RASGRP2: variants seen among roughly 807,000 people sequenced by gnomAD.
The protein encoded by RASGRP2 is RAS guanyl-releasing protein 2.
RASGRP2 carries 44 observed loss-of-function variants against 71.0 expected under a neutral mutation model. That is an observed-to-expected ratio of 0.62 (90% CI 0.49 to 0.80). The LOEUF (loss-of-function observed/expected upper bound fraction) is 0.80. Ranked by LOEUF, RASGRP2 falls within the 30% of genes least tolerant of loss-of-function variation. The pLI is 0.00. For synonymous variants in RASGRP2, 350 were observed against 330.7 expected (o/e 1.06, Z -0.63); for missense variants, 663 against 813.4 (o/e 0.82, Z 2.25).
intron 3 of RASGRP2, 70 bp downstream of exon 3, chr11:64,741,940 C>A (rs2058137226): frequency 3.7e-6 from 5 of 1,350,050 alleles, no homozygotes; most frequent in Non-Finnish European, 5.2e-6. Flanking sequence ...TCATTCTGCA[C>A]CTGGGCTGGG....
At position 64,735,081 on chromosome 11, in the gene RASGRP2, C is replaced by G. The variant is rs1313578196; in HGVS notation, c.1412+31G>C. 1 of 1,543,738 alleles carries G rather than the reference C, an allele frequency of 6.5e-7. No homozygotes were observed. The highest frequency in any genetic ancestry group is 1.4e-5 in the African/African-American group (1 of 73,414). Reference sequence around the variant, plus strand: ...AGGCAGAAGTGGGCTGAGTTGCCTTCCCTCTCCCCCAGGTCCCCAGCCCTC... The same window carrying G: ...AGGCAGAAGTGGGCTGAGTTGCCTTGCCTCTCCCCCAGGTCCCCAGCCCTC... On this transcript the variant is annotated intron_variant, in intron 12 of 16. Coordinates refer to ENST00000394432, the MANE Select transcript of RASGRP2 (RefSeq NM_001098671.2). The surrounding 1 kb of genome is among the most constrained non-coding windows in gnomAD (Gnocchi z 4.2).
rs998475248 is a variant in RASGRP2, at chr11:64,739,584, C to T, written c.696+52G>A. The T allele has an allele frequency of 3.7e-6, 6 of 1,612,676 alleles. No individual in the cohort carries two copies. The highest frequency in any genetic ancestry group is 2.2e-5 in the East Asian group (1 of 44,882). ...TGGGTTAGGGGAAGGGAAGGGTTGGCCTGACTGGCATGTGGGGTGGTTGGG... is the reference window on the plus strand; with the variant it reads ...TGGGTTAGGGGAAGGGAAGGGTTGGTCTGACTGGCATGTGGGGTGGTTGGG... On this transcript the variant is annotated intron_variant, in intron 7 of 16. Coordinates refer to ENST00000394432, the MANE Select transcript of RASGRP2 (RefSeq NM_001098671.2). This position sits in a 1 kb window ranked among gnomAD's most constrained non-coding sequence, Gnocchi z 4.2.
rs904622381 is a variant in RASGRP2 at position 64,741,461 on chromosome 11, C to T, written c.217G>A (p.Val73Met). 3 of 1,577,280 alleles carry T rather than the reference C, an allele frequency of 1.9e-6. No homozygotes were observed. The highest frequency in any genetic ancestry group is 2.6e-6 in the Non-Finnish European group (3 of 1,160,004). ...CACCTGACCAGGTGGCACGTTTTCA[C>T]CTGCAGGGAATTGGAGTTGTCCTTC... The part of the protein sequence containing the change: ...SRKDNSNSLQ[V>M]KTCHLVRYWI... The change falls in exon 4 of 17, where the codon GTG becomes ATG. Residue 73 changes from valine to methionine, a missense_variant. Val to Met is a conservative substitution (Grantham distance 21). Transcript: ENST00000394432.
chr11:64,737,636 C>T (rs965474371), intron 8 of RASGRP2, among the ~76,000 whole-genome samples: 3 of 138,378 alleles, frequency 2.2e-5, no homozygotes, highest in Non-Finnish European at 4.5e-5. Flanking sequence ...GCCAAATTAG[C>T]GTCACTGCAC....
In RASGRP2 at chr11:64,743,696, G is replaced by A; in HGVS notation, c.-72+307C>T. The A allele has an allele frequency of 5.3e-6, 2 of 377,558 alleles. No individual in the cohort carries two copies. Among genetic ancestry groups the A allele is most frequent in the Admixed American group, 3.6e-5 (1 of 27,614 alleles). 23.4% of individuals were successfully genotyped at this position (377,558 alleles called of 1,614,324 possible). A position where few individuals can be genotyped will look rare whatever the true frequency, so the allele number is the denominator to read the frequency against. On this transcript the variant is annotated intron_variant, in intron 1 of 16. Coordinates refer to ENST00000394432, the MANE Select transcript of RASGRP2 (RefSeq NM_001098671.2). This position sits in a 1 kb window ranked among gnomAD's most constrained non-coding sequence, Gnocchi z 4.9. ...GGCTCCTGACCCTGGCCCCGGCCCC[G>A]CACAGGCGAACTGTGAGCGCGCACG...
rs973883010 is a variant in RASGRP2, at chr11:64,736,685, G to A, written c.1095+68C>T. 3.3e-6 allele frequency: 5 copies of A among 1,518,112 alleles called. No homozygotes were observed. In the African/African-American group the frequency reaches 6.9e-5, roughly 21 times the overall value. 94.0% of individuals were successfully genotyped at this position (1,518,112 alleles called of 1,614,324 possible). On this transcript the variant is annotated intron_variant, in intron 9 of 16. Coordinates refer to ENST00000394432, the MANE Select transcript of RASGRP2 (RefSeq NM_001098671.2). The stretch of plus-strand genomic sequence containing the variant: ...CCCAGAGCCCCAGGCCACGCCCACA[G>A]CCAGGACCTGGGGAAACTGTCAACC...
At chr11:64,730,227 G>A (rs1321359732) in intron 12 of RASGRP2, 33 bp from the exon 13 acceptor site, 18 of 1,551,206 alleles carry the variant, frequency 1.2e-5, no homozygotes, top group Non-Finnish European at 1.1e-5. Context: ...TTCAGCTCGG[G>A]CCCTCCCCAG....
rs760868395 is a variant in RASGRP2, at chr11:64,735,594, T to G, written c.1244A>C (p.Lys415Thr). ...CACGAGGGCCTGATCCAGCTTGGGT[T>G]TGGCAGCCGAGGTCCACTCCTCCAG... is the stretch of plus-strand genomic sequence containing the variant. ...PVLEEWTSAAKPKLDQALVVE... is the reference protein window; with the variant it reads ...PVLEEWTSAATPKLDQALVVE... The change falls in exon 11 of 17, where the codon AAA becomes ACA. Residue 415 changes from lysine to threonine, a missense_variant. Physicochemically the swap from Lys to Thr is moderately conservative, Grantham distance 78. Transcript: ENST00000394432. This position sits in a 1 kb window ranked among gnomAD's most constrained non-coding sequence, Gnocchi z 4.2. 6 of 1,614,064 alleles carry G rather than the reference T, an allele frequency of 3.7e-6. No individual in the cohort carries two copies. The highest frequency in any genetic ancestry group is 5.1e-6 in the Non-Finnish European group (6 of 1,179,984).
Position 64,742,053 on chromosome 11 carries a change from A to T in RASGRP2, c.133T>A (p.Trp45Arg). The change falls in exon 3 of 17, where the codon TGG becomes AGG. Residue 45 changes from tryptophan to arginine, a missense_variant. Trp to Arg is a moderately radical substitution (Grantham distance 101). Transcript: ENST00000394432. The surrounding 1 kb of genome is among the most constrained non-coding windows in gnomAD (Gnocchi z 4.7). ...GCCAGCTGAGAGGAGGGGATGTACC[A>T]GGGGTGCATCATGAGGAACATGCGC... ...LVRMFLMMHP[W>R]YIPSSQLAAK... 6.2e-7 allele frequency: 1 copy of T among 1,612,052 alleles called. No homozygotes were observed. The highest frequency in any genetic ancestry group is 8.5e-7 in the Non-Finnish European group (1 of 1,179,048).
At chr11:64,730,008 T>A in intron 13 of RASGRP2, 45 bp downstream of exon 13, 2 of 1,540,232 alleles carry the variant, frequency 1.3e-6, no homozygotes, top group Non-Finnish European at 1.8e-6. Context: ...GGGCCGGGGC[T>A]GGAGGGGCGT....
At chr11:64,745,040 G>A (rs1480940169), upstream of RASGRP2, 6 of 151,562 alleles carry the variant, frequency 4.0e-5, no homozygotes, top group Admixed American at 3.9e-4. Flanking sequence ...CCAGGGCCGC[G>A]GGCGGGGGGC....
rs945826232 is a variant in RASGRP2, at chr11:64,743,553, G to C, written c.-72+450C>G. 2.9e-6 allele frequency: 1 copy of C among 342,768 alleles called. No homozygotes were observed. Among genetic ancestry groups the C allele is most frequent in the Non-Finnish European group, 5.7e-6 (1 of 175,950 alleles). 21.2% of individuals were successfully genotyped at this position (342,768 alleles called of 1,614,324 possible). A position where few individuals can be genotyped will look rare whatever the true frequency, so the allele number is the denominator to read the frequency against. ...CCTGGGGCGGGGGGAGCCCGCTGCG[G>C]CCAGGAGGCGTCAGCGGGAAGCCTG... is the stretch of plus-strand genomic sequence containing the variant. On this transcript the variant is annotated intron_variant, in intron 1 of 16. Transcript: ENST00000394432. This position sits in a 1 kb window ranked among gnomAD's most constrained non-coding sequence, Gnocchi z 4.9.
At position 64,742,066 on chromosome 11, in the gene RASGRP2, G is replaced by A. The variant is rs778674902; in HGVS notation, c.120C>T (p.Leu40=). The A allele has an allele frequency of 1.2e-6, 2 of 1,611,118 alleles. No homozygotes were observed. The highest frequency in any genetic ancestry group is 1.7e-6 in the Non-Finnish European group (2 of 1,178,646). The change falls in exon 3 of 17, where the codon CTC becomes CTT. Residue 40 remains leucine, a synonymous_variant. Transcript: ENST00000394432. This position sits in a 1 kb window ranked among gnomAD's most constrained non-coding sequence, Gnocchi z 4.7. ...AGGGGATGTACCAGGGGTGCATCAT[G>A]AGGAACATGCGCACCAGCTGCGGGT... ...VRDPQLVRMF[L]MMHPWYIPSS... is the part of the protein sequence containing the mutation.
chr11:64,735,381 A>AC lies in RASGRP2; in HGVS notation c.1297-155dup. The AC allele has an allele frequency of 7.2e-7, 1 of 1,381,962 alleles. No individual in the cohort carries two copies. Among genetic ancestry groups the AC allele is most frequent in the African/African-American group, 1.4e-5 (1 of 70,018 alleles). The allele number at this position is 1,381,962 out of a possible 1,614,324, so 85.6% of individuals were successfully genotyped here. On this transcript the variant is annotated intron_variant, in intron 11 of 16. Transcript: ENST00000394432. The surrounding 1 kb of genome is among the most constrained non-coding windows in gnomAD (Gnocchi z 4.2). ...CGTTCCATACCTCCACCCCCACCCTACCCAGGGGCACTTCAGCCCCGTGCA... is the reference window on the plus strand; with the variant it reads ...CGTTCCATACCTCCACCCCCACCCTACCCCAGGGGCACTTCAGCCCCGTGCA...
rs2058072772 is a variant in RASGRP2 at position 64,740,090 on chromosome 11, A to G, written c.445T>C (p.Leu149=). 3 of 1,614,132 alleles carry G rather than the reference A, an allele frequency of 1.9e-6. No homozygotes were observed. The highest frequency in any genetic ancestry group is 2.7e-5 in the African/African-American group (2 of 75,028). The change falls in exon 6 of 17, where the codon TTG becomes CTG. Residue 149 remains leucine (L), a synonymous_variant. Coordinates refer to ENST00000394432, the MANE Select transcript of RASGRP2 (RefSeq NM_001098671.2). The stretch of plus-strand genomic sequence containing the variant: ...TCCATGGGCTCCAGGTGGTCAAACA[A>G]CAGGGACATCTTGCGCTTTTTCTGT... ...VGQKKRKMSL[L]FDHLEPMELA...
At chr11:64,736,584 A>G (rs1289046549) in intron 9 of RASGRP2, among the ~76,000 whole-genome samples, 169 bp downstream of exon 9, 4 of 152,040 alleles carry the variant, frequency 2.6e-5, no homozygotes, top group Non-Finnish European at 5.9e-5. Context: ...CACAGCCCCA[A>G]CCAGAGCCTG....
rs759083883 is a variant in RASGRP2 at position 64,742,944 on chromosome 11, C to G, written c.-71-7G>C. On this transcript the variant is annotated splice_polypyrimidine_tract_variant and splice_region_variant and intron_variant, in intron 1 of 16. Transcript: ENST00000394432. The surrounding 1 kb of genome is among the most constrained non-coding windows in gnomAD (Gnocchi z 4.7). Reference sequence around the variant, plus strand: ...CCGGGCTCGGACCGAACCCCTGTCCCGGGAGAGGCAGAGCGGGAGTCTGCG... The same window carrying G: ...CCGGGCTCGGACCGAACCCCTGTCCGGGGAGAGGCAGAGCGGGAGTCTGCG... The G allele has an allele frequency of 6.5e-7, 1 of 1,530,162 alleles. No individual in the cohort carries two copies. The allele number at this position is 1,530,162 out of a possible 1,614,324, so 94.8% of individuals were successfully genotyped here. A position where few individuals can be genotyped will look rare whatever the true frequency, so the allele number is the denominator to read the frequency against.
chr11:64,729,319 T>C (rs1451757555), intron 14 of RASGRP2, among the ~76,000 whole-genome samples: 1 of 134,266 alleles, frequency 7.4e-6, no homozygotes, highest in African/African-American at 2.8e-5. Context: ...TTTTGTGGGG[T>C]TTTGGTTTTG....
chr11:64,737,861 C>T (rs1354065924), intron 8 of RASGRP2, among the ~76,000 whole-genome samples: 1 of 151,340 alleles, frequency 6.6e-6, no homozygotes, highest in African/African-American at 2.4e-5. Context: ...CAAGACCAGC[C>T]TCGGCAACAT....
Sources: gnomAD v4.1 joint callset for allele counts (sites outside exome capture counted in the v4.1 genomes callset) on GRCh38, gnomAD v4.1.1 for gene constraint, Gnocchi (gnomAD v3.1) non-coding constraint, MANE v1.5 for transcripts, NCBI Gene and HGNC (gene_info 2026-07-23, HGNC 2026-07-21) for gene names.